The following PPP1R12B variants were observed in gnomAD, a reference collection of about 807,000 sequenced individuals.
PPP1R12B encodes myosin phosphatase target subunit 2.
Under a neutral mutation model 126.1 loss-of-function variants are expected in PPP1R12B, and 76 were observed. The observed-to-expected ratio is 0.60, with a 90% CI of 0.50 to 0.73. The LOEUF (loss-of-function observed/expected upper bound fraction) is 0.73, where lower values mean the gene tolerates loss of function less well. PPP1R12B is among the 30% of genes least tolerant of loss of function. The pLI is 0.00. For missense variants in PPP1R12B, 1,052 were observed against 1,205.1 expected (o/e 0.87, Z 1.88); for synonymous variants, 356 against 434.7 (o/e 0.82, Z 2.25).
chr1:202,572,089 C>G (rs1380560390), intron 23 of PPP1R12B, among the ~76,000 whole-genome samples: 1 of 152,174 alleles, frequency 6.6e-6, no homozygotes, highest in Non-Finnish European at 1.5e-5. Flanking sequence ...ACTTGTTTAG[C>G]TCTCAAGCTC....
At chr1:202,425,449 A>T in intron 3 of PPP1R12B, 117 bp from the exon 4 acceptor site, 1 of 1,143,254 alleles carries the variant, frequency 8.7e-7, no homozygotes, top group South Asian at 1.5e-5. Flanking sequence ...ACCCAACTTG[A>T]TGGCTAAATT....
intron 18 of PPP1R12B, among the ~76,000 whole-genome samples, chr1:202,526,068 A>G (rs1395247548): frequency 1.3e-5 from 2 of 152,236 alleles, no homozygotes; most frequent in Non-Finnish European, 2.9e-5. Flanking sequence ...CAACAACAAA[A>G]AGATGATGTG....
chr1:202,434,092 C>T (rs1021173840), intron 8 of PPP1R12B, among the ~76,000 whole-genome samples: 1 of 152,192 alleles, frequency 6.6e-6, no homozygotes, highest in Admixed American at 6.5e-5. Flanking sequence ...TAAAACTTTA[C>T]ATTTGTATAG....
Position 202,414,087 on chromosome 1 carries a change from A to T in PPP1R12B, c.292-2700A>T, listed in dbSNP as rs556453606. ...CAGGTGTGCACCACCATACCTGCCT[A>T]GTTTTTGTATTTTTAGTAGAGATGA... On this transcript the variant is annotated intron_variant, in intron 1 of 23. Coordinates refer to ENST00000608999, the MANE Select transcript of PPP1R12B (RefSeq NM_002481.4). Among the ~76,000 whole-genome samples the T allele has an allele frequency of 6.6e-5, 10 of 152,072 alleles. No homozygotes were observed. The East Asian group carries it at 9.7e-4, about 15-fold the overall frequency.
intron 18 of PPP1R12B, among the ~76,000 whole-genome samples, chr1:202,516,372 A>G (rs1229706527): frequency 6.6e-6 from 1 of 152,214 alleles, no homozygotes; most frequent in Non-Finnish European, 1.5e-5. Context: ...AAGATAAATT[A>G]TAGCTACCAA....
chr1:202,474,065 A>G, intron 13 of PPP1R12B: 1 of 473,080 alleles, frequency 2.1e-6, no homozygotes, highest in Non-Finnish European at 4.4e-6. Context: ...GTTGGGAAAA[A>G]GTAGCTCTAA....
chr1:202,532,226 A>G (rs1276808342), intron 18 of PPP1R12B, among the ~76,000 whole-genome samples: 4 of 152,204 alleles, frequency 2.6e-5, no homozygotes, highest in Non-Finnish European at 4.4e-5. Flanking sequence ...TAATTAGTGT[A>G]TAATGAGTCA....
chr1:202,565,497 A>G lies in PPP1R12B; in HGVS notation c.2757+950A>G, dbSNP rs574350305. On this transcript the variant is annotated intron_variant, in intron 21 of 23. Coordinates refer to ENST00000608999, the MANE Select transcript of PPP1R12B (RefSeq NM_002481.4). The surrounding 1 kb of genome is among the most constrained non-coding windows in gnomAD (Gnocchi z 4.3). ...TGGAGTTTGGAGGGCAGGGGTGTTG[A>G]TTACCCTCTAAACATCCTATTCTAA... Among the ~76,000 whole-genome samples, 1 of 152,248 alleles carries G rather than the reference A, an allele frequency of 6.6e-6. No individual in the cohort carries two copies. Among genetic ancestry groups the G allele is most frequent in the East Asian group, 1.9e-4 (1 of 5,186 alleles).
chr1:202,464,513 T>C (rs184977093), intron 13 of PPP1R12B, among the ~76,000 whole-genome samples: 6 of 152,276 alleles, frequency 3.9e-5, no homozygotes, highest in South Asian at 2.1e-4. Flanking sequence ...TTTTGGCACA[T>C]GAAGGCCCTT....
At chr1:202,379,227 T>A (rs1661804689) in intron 1 of PPP1R12B, among the ~76,000 whole-genome samples, 1 of 152,250 alleles carries the variant, frequency 6.6e-6, no homozygotes, top group Non-Finnish European at 1.5e-5. Flanking sequence ...TTGCTCCTCC[T>A]GTTTTCTCTT....
intron 1 of PPP1R12B, among the ~76,000 whole-genome samples, chr1:202,379,982 A>C (rs1250126884): frequency 2.0e-5 from 3 of 152,200 alleles, no homozygotes; most frequent in Admixed American, 2.0e-4. Flanking sequence ...AGCCATTCAC[A>C]TGCAGAGTAA....
intron 1 of PPP1R12B, among the ~76,000 whole-genome samples, chr1:202,393,803 G>A (rs1331253175): frequency 6.6e-6 from 1 of 152,132 alleles, no homozygotes; most frequent in African/African-American, 2.4e-5. Context: ...GCTCACTCCT[G>A]TAATCCCAAC....
At chr1:202,424,741 A>G (rs1010806532) in intron 3 of PPP1R12B, among the ~76,000 whole-genome samples, 2 of 152,188 alleles carry the variant, frequency 1.3e-5, no homozygotes, top group Non-Finnish European at 2.9e-5. Context: ...ATAATGGGGT[A>G]TGCCTCACCC....
chr1:202,388,498 G>A (rs371220176), intron 1 of PPP1R12B, among the ~76,000 whole-genome samples: 6 of 152,218 alleles, frequency 3.9e-5, no homozygotes, highest in South Asian at 4.1e-4. Context: ...GAGCCACCAC[G>A]CCCAGCCTAT....
chr1:202,437,312 T>C (rs1670957993), intron 9 of PPP1R12B, among the ~76,000 whole-genome samples: 1 of 151,842 alleles, frequency 6.6e-6, no homozygotes, highest in Non-Finnish European at 1.5e-5. Flanking sequence ...GCCTCGGTGA[T>C]AAGAGTGAGA....
rs1419433785 is a variant in PPP1R12B at position 202,434,682 on chromosome 1, C to T, written c.1168C>T (p.His390Tyr). ...ADKKPEAFVN[H>Y]SNSESKSSIT... is the part of the protein sequence containing the mutation. ...TAAAAAGCCAGAAGCCTTTGTCAAT[C>T]ATTCCAACTCTGAAAGCAAGAGTAG... The change falls in exon 9 of 24, where the codon CAT (histidine) becomes TAT (tyrosine). Residue 390 changes from histidine to tyrosine, a missense_variant. By Grantham distance (83) the His-to-Tyr change is moderately conservative. Coordinates refer to ENST00000608999, the MANE Select transcript of PPP1R12B (RefSeq NM_002481.4). The T allele has an allele frequency of 3.1e-6, 5 of 1,612,774 alleles. No homozygotes were observed. In the Admixed American group the frequency reaches 6.7e-5, roughly 22 times the overall value.
Position 202,564,479 on chromosome 1 carries a change from A to C in PPP1R12B, c.2689A>C (p.Lys897Gln). The change falls in exon 21 of 24, where the codon AAA becomes CAA. Residue 897 changes from lysine (K) to glutamine (Q), a missense_variant. Transcript: ENST00000608999. ...ESALTENQKL[K>Q]TKLQEAQLEL... ...TGCTCTGACTGAAAACCAAAAACTGAAAACAAAACTTCAGGAAGCCCAGCT... is the reference window on the plus strand; with the variant it reads ...TGCTCTGACTGAAAACCAAAAACTGCAAACAAAACTTCAGGAAGCCCAGCT... 6.2e-7 allele frequency: 1 copy of C among 1,612,798 alleles called. No individual in the cohort carries two copies. The highest frequency in any genetic ancestry group is 8.5e-7 in the Non-Finnish European group (1 of 1,179,486).
At chr1:202,450,879 T>C (rs1397522391) in intron 13 of PPP1R12B, among the ~76,000 whole-genome samples, 2 of 152,218 alleles carry the variant, frequency 1.3e-5, no homozygotes, top group African/African-American at 2.4e-5. Context: ...GGATTATTTT[T>C]TCTATTTCTG....
chr1:202,564,413 C>G lies in PPP1R12B; in HGVS notation c.2653-30C>G, dbSNP rs779884502. The G allele has an allele frequency of 3.3e-6, 5 of 1,533,462 alleles. No homozygotes were observed. The African/African-American group carries it at 5.5e-5, about 17-fold the overall frequency. 95.0% of individuals were successfully genotyped at this position (1,533,462 alleles called of 1,614,324 possible). A position where few individuals can be genotyped will look rare whatever the true frequency, so the allele number is the denominator to read the frequency against. On this transcript the variant is annotated intron_variant, in intron 20 of 23. Transcript: ENST00000608999. Reference sequence around the variant, plus strand: ...GAAATGGTGTGAGTTCTAACGCGAACGCTGATCCTCTTTTTTCCCTCTCCT... The same window carrying G: ...GAAATGGTGTGAGTTCTAACGCGAAGGCTGATCCTCTTTTTTCCCTCTCCT...
Sources: allele counts gnomAD v4.1 joint callset (sites outside exome capture counted in the v4.1 genomes callset), GRCh38; gene constraint gnomAD v4.1.1; non-coding constraint Gnocchi (gnomAD v3.1); transcripts MANE v1.5; gene names NCBI Gene and HGNC (gene_info 2026-07-23, HGNC 2026-07-21).